Variants in THRB observed in about 807,000 individuals in gnomAD.
The protein encoded by THRB is thyroid hormone receptor beta.
Under a neutral mutation model 47.8 loss-of-function variants are expected in THRB, and 12 were observed. The observed-to-expected ratio is 0.25, with a 90% confidence interval of 0.16 to 0.41. The LOEUF (loss-of-function observed/expected upper bound fraction) is 0.41. THRB is among the 10% of genes least tolerant of loss of function. The probability of loss-of-function intolerance (pLI) is 1.00; values close to 1 mark genes in which losing one functional copy is unlikely to be tolerated. For missense variants in THRB, 348 were observed against 589.2 expected (o/e 0.59, Z 4.24); for synonymous variants, 218 against 212.2 (o/e 1.03, Z -0.24).
Position 24,353,438 on chromosome 3 carries a change from T to C in THRB, c.-260-16067A>G, listed in dbSNP as rs17014555. Among the ~76,000 whole-genome samples the C allele has an allele frequency of 1.4e-4, 21 of 152,166 alleles. No homozygotes were observed. In the East Asian group the frequency reaches 3.9e-3, roughly 28 times the overall value. ...AGGAAATGAAGGTCGCACAAAGAAA[T>C]GAGGCTGTGTATTCAAGCTAGGACC... On this transcript the variant is annotated intron_variant, in intron 1 of 10. Coordinates refer to ENST00000646209, the MANE Select transcript of THRB (RefSeq NM_001354712.2).
chr3:24,479,140 T>C (rs942571363), intron 1 of THRB, among the ~76,000 whole-genome samples: 23 of 151,424 alleles, frequency 1.5e-4, no homozygotes, highest in African/African-American at 5.6e-4. Flanking sequence ...CTATTAAAAA[T>C]ACAAAAAAAA....
intron 4 of THRB, among the ~76,000 whole-genome samples, chr3:24,207,762 A>G (rs1221542583): frequency 6.6e-6 from 1 of 152,232 alleles, no homozygotes; most frequent in Non-Finnish European, 1.5e-5. Context: ...AAAAACTGGA[A>G]GCATTCCCTT....
chr3:24,317,011 G>C (rs1443705064), intron 2 of THRB, among the ~76,000 whole-genome samples: 2 of 152,122 alleles, frequency 1.3e-5, no homozygotes, highest in East Asian at 3.8e-4. Flanking sequence ...ATTACTATCT[G>C]TCTCCCCAAA....
At chr3:24,328,019 T>C (rs1346788275) in intron 2 of THRB, among the ~76,000 whole-genome samples, 4 of 152,178 alleles carry the variant, frequency 2.6e-5, no homozygotes. Context: ...AATAATCCTT[T>C]AATGAAGTTC....
intron 1 of THRB, among the ~76,000 whole-genome samples, chr3:24,475,446 T>C (rs1284145964): frequency 6.6e-6 from 1 of 152,156 alleles, no homozygotes; most frequent in Non-Finnish European, 1.5e-5. Context: ...ATATATACAA[T>C]GTTAGAATTG....
chr3:24,277,990 G>A (rs1379493473), intron 3 of THRB, among the ~76,000 whole-genome samples: 1 of 152,182 alleles, frequency 6.6e-6, no homozygotes. Context: ...GTTTCATTAT[G>A]CTGGGTTTTT....
chr3:24,162,358 C>G (rs550795888), intron 5 of THRB, among the ~76,000 whole-genome samples: 1 of 152,204 alleles, frequency 6.6e-6, no homozygotes, highest in East Asian at 1.9e-4. Context: ...AGCACTGGCC[C>G]CGTGAGGACT....
intron 3 of THRB, among the ~76,000 whole-genome samples, chr3:24,233,560 G>GAAGGAAGGAAGAAAGAAAGAAAGA (rs1553658178): frequency 1.2e-4 from 9 of 77,352 alleles, no homozygotes; most frequent in Middle Eastern, 6.7e-3. Flanking sequence ...AAAGAAAAAG[G>GAAGGAAGGAAGAAAGAAAGAAAGA]AAGAAAGAAA....
At chr3:24,285,950 G>A (rs536869731) in intron 3 of THRB, among the ~76,000 whole-genome samples, 6 of 152,288 alleles carry the variant, frequency 3.9e-5, no homozygotes, top group East Asian at 1.9e-4. Context: ...GCCTCTGGGC[G>A]GTAGTTGGGT....
chr3:24,472,255 A>G (rs1157227046), intron 1 of THRB, among the ~76,000 whole-genome samples: 1 of 152,178 alleles, frequency 6.6e-6, no homozygotes, highest in African/African-American at 2.4e-5. Flanking sequence ...TGCCAGGACA[A>G]ATAAAAATGT....
chr3:24,179,422 T>C (rs1052911873), intron 5 of THRB, among the ~76,000 whole-genome samples: 2 of 152,170 alleles, frequency 1.3e-5, no homozygotes, highest in Non-Finnish European at 2.9e-5. Flanking sequence ...TATGTATATA[T>C]GCAAACAAAC....
chr3:24,439,501 C>T (rs1320824225), intron 1 of THRB, among the ~76,000 whole-genome samples: 1 of 152,196 alleles, frequency 6.6e-6, no homozygotes, highest in African/African-American at 2.4e-5. Flanking sequence ...ATATTCTTTA[C>T]ACTTAATGAA....
At chr3:24,213,176 C>T (rs2046230687) in intron 4 of THRB, among the ~76,000 whole-genome samples, 1 of 152,222 alleles carries the variant, frequency 6.6e-6, no homozygotes, top group African/African-American at 2.4e-5. Context: ...GAAATTATCA[C>T]TGGACTGGGC....
chr3:24,222,609 T>C (rs1490202471), intron 4 of THRB, among the ~76,000 whole-genome samples: 1 of 152,200 alleles, frequency 6.6e-6, no homozygotes, highest in Non-Finnish European at 1.5e-5. Flanking sequence ...AAAGACTTTC[T>C]GTGTGATGTG....
intron 4 of THRB, among the ~76,000 whole-genome samples, chr3:24,222,537 G>A (rs749944287): frequency 4.7e-4 from 72 of 152,148 alleles, no homozygotes; most frequent in Middle Eastern, 3.2e-3. Context: ...AGAAGAGGAT[G>A]TGAGGTTTCA....
chr3:24,420,350 T>C (rs1186032803), intron 1 of THRB, among the ~76,000 whole-genome samples: 4 of 151,852 alleles, frequency 2.6e-5, no homozygotes, highest in Non-Finnish European at 4.4e-5. Context: ...AGTCCAGCCC[T>C]GGCGGTGGGA....
intron 8 of THRB, among the ~76,000 whole-genome samples, chr3:24,139,936 C>T (rs935196718): frequency 2.6e-5 from 4 of 152,088 alleles, no homozygotes; most frequent in African/African-American, 7.2e-5. Context: ...ATAAATAACA[C>T]GTGGCAGTGT....
intron 2 of THRB, among the ~76,000 whole-genome samples, chr3:24,302,511 G>A (rs2057017544): frequency 6.6e-6 from 1 of 152,112 alleles, no homozygotes; most frequent in Non-Finnish European, 1.5e-5. Flanking sequence ...GTGTCTCAAG[G>A]CCTTTGAACT....
chr3:24,394,941 G>A (rs1347791971), intron 1 of THRB, among the ~76,000 whole-genome samples: 1 of 152,110 alleles, frequency 6.6e-6, no homozygotes, highest in Non-Finnish European at 1.5e-5. Context: ...CACTCTGGCA[G>A]AGAGCAGAAG....
Sources: gnomAD v4.1 joint callset for allele counts (sites outside exome capture counted in the v4.1 genomes callset) on GRCh38, gnomAD v4.1.1 for gene constraint, MANE v1.5 for transcripts, NCBI Gene and HGNC (gene_info 2026-07-23, HGNC 2026-07-21) for gene names.